The following HECW2 variants were observed in gnomAD, a reference collection of about 807,000 sequenced individuals.
The protein encoded by HECW2 is E3 ubiquitin-protein ligase HECW2.
In HECW2, 61 loss-of-function variants were observed where a neutral mutation model predicts 175.2. The observed-to-expected ratio is 0.35, with a 90% CI of 0.28 to 0.43. The LOEUF (loss-of-function observed/expected upper bound fraction) is 0.43, where lower values mean the gene tolerates loss of function less well. HECW2 is among the 20% of genes least tolerant of loss of function. HECW2 has a pLI of 1.00. For synonymous variants in HECW2, 671 were observed against 731.0 expected (o/e 0.92, Z 1.32); for missense variants, 1,524 against 2,000.5 (o/e 0.76, Z 4.54).
chr2:196,476,004 A>G (rs939463284), intron 1 of HECW2, among the ~76,000 whole-genome samples: 1 of 152,124 alleles, frequency 6.6e-6, no homozygotes, highest in South Asian at 2.1e-4. Context: ...CTAGCATAGG[A>G]CCCTCAATAC....
At chr2:196,527,624 C>T (rs933123631) in intron 1 of HECW2, among the ~76,000 whole-genome samples, 2 of 152,196 alleles carry the variant, frequency 1.3e-5, no homozygotes, top group African/African-American at 4.8e-5. Flanking sequence ...TCAAATTTTA[C>T]CCTACATTGA....
At chr2:196,277,626 G>C (rs960334151) in intron 15 of HECW2, among the ~76,000 whole-genome samples, 1 of 152,050 alleles carries the variant, frequency 6.6e-6, no homozygotes, top group Non-Finnish European at 1.5e-5. Flanking sequence ...CCATTACTGG[G>C]TATATACCCA....
At chr2:196,219,917 T>G (rs995425895) in intron 26 of HECW2, 122 bp downstream of exon 26, 6 of 651,272 alleles carry the variant, frequency 9.2e-6, no homozygotes, top group Non-Finnish European at 1.4e-5. Context: ...CAAGGGAGCC[T>G]GCATCAGACC....
At chr2:196,408,238 T>C (rs1160730227) in intron 2 of HECW2, among the ~76,000 whole-genome samples, 14 of 152,162 alleles carry the variant, frequency 9.2e-5, no homozygotes, top group Non-Finnish European at 1.6e-4. Context: ...ATGCTCTGAA[T>C]GTGGGAGAAA....
intron 1 of HECW2, among the ~76,000 whole-genome samples, chr2:196,513,286 G>A (rs1483337365): frequency 6.6e-6 from 1 of 152,156 alleles, no homozygotes; most frequent in Non-Finnish European, 1.5e-5. Context: ...TAAGGCAGGT[G>A]GATCACTTGA....
At chr2:196,281,669 A>AAAAAC (rs1690193630) in intron 14 of HECW2, among the ~76,000 whole-genome samples, 7 of 148,062 alleles carry the variant, frequency 4.7e-5, no homozygotes, top group African/African-American at 1.5e-4. Context: ...AAAAAAAAAA[A>AAAAAC]GCGTGTTCTT....
chr2:196,253,876 G>A (rs779692958), intron 19 of HECW2, 44 bp downstream of exon 19: 3 of 1,578,458 alleles, frequency 1.9e-6, no homozygotes, highest in Admixed American at 1.7e-5. Flanking sequence ...TGGCTTGAAG[G>A]TTCACTCCTC....
intron 28 of HECW2, among the ~76,000 whole-genome samples, chr2:196,203,598 A>G (rs1686950790): frequency 6.6e-6 from 1 of 152,186 alleles, no homozygotes; most frequent in African/African-American, 2.4e-5. Flanking sequence ...GGTTACCAAT[A>G]AGGTTGAGCA....
rs182867763 is a variant in HECW2, at chr2:196,214,119, A to G, written c.4607+1746T>C. On this transcript the variant is annotated intron_variant, in intron 28 of 28. Coordinates refer to ENST00000644978, the MANE Select transcript of HECW2 (RefSeq NM_001348768.2). ...AGACAGTATTAAGTATTTTTCATGA[A>G]TGATTTCACATCATCCTCAGAATTT... Among the ~76,000 whole-genome samples the G allele has an allele frequency of 3.3e-5, 5 of 152,352 alleles. No homozygotes were observed. In the East Asian group the frequency reaches 9.6e-4, roughly 29 times the overall value.
intron 1 of HECW2, among the ~76,000 whole-genome samples, chr2:196,584,784 T>C (rs1690917186): frequency 6.6e-6 from 1 of 152,210 alleles, no homozygotes; most frequent in African/African-American, 2.4e-5. Flanking sequence ...CTTCAGGTTT[T>C]CCCTGAGCAC....
chr2:196,478,092 CAAAA>C (rs1015270045), intron 1 of HECW2, among the ~76,000 whole-genome samples: 1 of 150,998 alleles, frequency 6.6e-6, no homozygotes, highest in South Asian at 2.1e-4. Context: ...CAAAAACAAA[CAAAA>C]AAAAACTCAC....
intron 2 of HECW2, among the ~76,000 whole-genome samples, chr2:196,374,676 T>C (rs948689227): frequency 2.0e-5 from 3 of 152,202 alleles, no homozygotes; most frequent in African/African-American, 7.2e-5. Flanking sequence ...AAGTTTTCAT[T>C]TATCAAGCAG....
chr2:196,226,786 C>G (rs1687866958), intron 22 of HECW2, among the ~76,000 whole-genome samples: 1 of 152,202 alleles, frequency 6.6e-6, no homozygotes, highest in South Asian at 2.1e-4. Flanking sequence ...AAGACCCATT[C>G]CTGATATTTT....
intron 2 of HECW2, among the ~76,000 whole-genome samples, chr2:196,392,253 A>G (rs1030038322): frequency 6.6e-6 from 1 of 152,186 alleles, no homozygotes; most frequent in Non-Finnish European, 1.5e-5. Context: ...CATGCCCAAC[A>G]TCGCTAATTG....
chr2:196,456,422 A>C (rs1696516326), intron 1 of HECW2, among the ~76,000 whole-genome samples: 1 of 147,650 alleles, frequency 6.8e-6, no homozygotes, highest in Non-Finnish European at 1.5e-5. Flanking sequence ...GTATTGCCAC[A>C]CTACTGGCTT....
intron 1 of HECW2, among the ~76,000 whole-genome samples, chr2:196,521,646 C>T (rs1207173456): frequency 1.5e-5 from 2 of 132,588 alleles, no homozygotes; most frequent in South Asian, 5.4e-4. Context: ...CCCCACCCCA[C>T]CACAGTCCCC....
At chr2:196,419,146 G>C (rs1186016804) in intron 2 of HECW2, among the ~76,000 whole-genome samples, 1 of 152,174 alleles carries the variant, frequency 6.6e-6, no homozygotes, top group Non-Finnish European at 1.5e-5. Flanking sequence ...AAGAAGCATG[G>C]AGAAAGACAA....
intron 2 of HECW2, among the ~76,000 whole-genome samples, chr2:196,392,856 A>G (rs1297066914): frequency 6.6e-6 from 1 of 152,220 alleles, no homozygotes; most frequent in African/African-American, 2.4e-5. Flanking sequence ...AGACAATCCT[A>G]AGCCAAAAGA....
At chr2:196,221,490 T>C (rs1470860093) in intron 24 of HECW2, among the ~76,000 whole-genome samples, 1 of 152,202 alleles carries the variant, frequency 6.6e-6, no homozygotes, top group African/African-American at 2.4e-5. Context: ...ATATATTCTG[T>C]TCTTAAGTCT....
Sources: allele counts gnomAD v4.1 joint callset (sites outside exome capture counted in the v4.1 genomes callset), GRCh38; gene constraint gnomAD v4.1.1; transcripts MANE v1.5; gene names NCBI Gene and HGNC (gene_info 2026-07-23, HGNC 2026-07-21).